Variants in CD200 observed in about 807,000 individuals in gnomAD.
CD200 encodes the protein CD200 molecule.
In CD200, 15 loss-of-function variants were observed where a neutral mutation model predicts 30.9. The observed-to-expected ratio is 0.49, with a 90% confidence interval of 0.32 to 0.75. The LOEUF (loss-of-function observed/expected upper bound fraction) is 0.75. Among genes scored for constraint, CD200 ranks in the 30% least tolerant of loss-of-function variants. The pLI is 0.03. For synonymous variants in CD200, 134 were observed against 126.2 expected (o/e 1.06, Z -0.41); for missense variants, 262 against 324.2 (o/e 0.81, Z 1.47).
At position 112,361,845 on chromosome 3, in the gene CD200, C is replaced by T; in HGVS notation, c.*295C>T. On this transcript the variant is annotated 3_prime_UTR_variant, in exon 6 of 6. Coordinates refer to ENST00000315711, the MANE Select transcript of CD200 (RefSeq NM_005944.7). The stretch of plus-strand genomic sequence containing the variant: ...TAGTTAGTATCAGGAGCACTGAGCT[C>T]ACAGACTGACTTGGGCTCCTACTGG... 2.2e-6 allele frequency: 1 copy of T among 450,596 alleles called. No homozygotes were observed. Among genetic ancestry groups the T allele is most frequent in the Non-Finnish European group, 4.0e-6 (1 of 252,012 alleles). The allele number at this position is 450,596 out of a possible 1,614,324, so 27.9% of individuals were successfully genotyped here.
At chr3:112,358,171 G>A (rs2081664530) in intron 5 of CD200, among the ~76,000 whole-genome samples, 1 of 152,180 alleles carries the variant, frequency 6.6e-6, no homozygotes, top group Non-Finnish European at 1.5e-5. Flanking sequence ...ACGTGTTTGG[G>A]ATGTGGGGGG....
At chr3:112,358,706 G>A (rs2081677004) in intron 5 of CD200, among the ~76,000 whole-genome samples, 1 of 152,138 alleles carries the variant, frequency 6.6e-6, no homozygotes, top group Non-Finnish European at 1.5e-5. Flanking sequence ...GCTGCCCTAG[G>A]TTCCCCATCA....
At chr3:112,349,908 G>C in intron 5 of CD200, 89 bp downstream of exon 5, 5 of 1,412,390 alleles carry the variant, frequency 3.5e-6, no homozygotes, top group Non-Finnish European at 3.7e-6. Flanking sequence ...TATAAATAAG[G>C]GAATGGCAAC....
rs542487224 is a variant in CD200 at position 112,347,965 on chromosome 3, CA to C, written c.694+139del. 1.3e-4 allele frequency: 100 copies of C among 751,540 alleles called. No individual in the cohort carries two copies. The East Asian group carries it at 2.2e-3, about 16-fold the overall frequency. The allele number at this position is 751,540 out of a possible 1,614,324, so 46.6% of individuals were successfully genotyped here. A position where few individuals can be genotyped will look rare whatever the true frequency, so the allele number is the denominator to read the frequency against. On this transcript the variant is annotated intron_variant, in intron 4 of 5. Transcript: ENST00000315711. ...AAGAATGGGGCAAATAAGGAAAAAA[CA>C]AAACAAAACAAAAAAATTGAAGAAA...
At chr3:112,357,271 A>AAAAAAG (rs1553720695) in intron 5 of CD200, among the ~76,000 whole-genome samples, 3 of 139,794 alleles carry the variant, frequency 2.1e-5, no homozygotes, top group East Asian at 2.1e-4. Context: ...AAAAAAAAAA[A>AAAAAAG]AAAGAAAGAA....
intron 1 of CD200, 30 bp downstream of exon 1, chr3:112,333,254 G>A (rs1364329904): frequency 5.2e-6 from 8 of 1,547,480 alleles, no homozygotes; most frequent in Admixed American, 3.9e-5. Context: ...GGGAAGGAGG[G>A]CGCAGGGCAG....
At chr3:112,354,160 A>G (rs912906727) in intron 5 of CD200, among the ~76,000 whole-genome samples, 5 of 152,142 alleles carry the variant, frequency 3.3e-5, no homozygotes. Context: ...ATGGGCATAG[A>G]TGACCCAAAT....
rs143005072 is a variant in CD200 at position 112,355,874 on chromosome 3, T to A, written c.803-5669T>A. On this transcript the variant is annotated intron_variant, in intron 5 of 5. Coordinates refer to ENST00000315711, the MANE Select transcript of CD200 (RefSeq NM_005944.7). ...AAATGTTAGAAATATCAGAAAAAAA[T>A]TAAGAAATAAAAGTATGTTCAGTAC... Among the ~76,000 whole-genome samples, 111 of 150,178 alleles carry A rather than the reference T, an allele frequency of 7.4e-4. No individual in the cohort carries two copies. The East Asian group carries it at 0.018, about 25-fold the overall frequency.
rs1263364034 is a variant in CD200, at chr3:112,336,021, A to AT, written c.12+2801dup. 4 of 1,591,780 alleles carry AT rather than the reference A, an allele frequency of 2.5e-6. No individual in the cohort carries two copies. In the African/African-American group the frequency reaches 5.4e-5, roughly 21 times the overall value. Reference sequence around the variant, plus strand: ...GACCACCATCAATGATTACCAGGTAATTTTCTACCCCTACCTATGAAGGGA... The same window carrying AT: ...GACCACCATCAATGATTACCAGGTAATTTTTCTACCCCTACCTATGAAGGGA... On this transcript the variant is annotated intron_variant, in intron 1 of 5. Transcript: ENST00000315711.
chr3:112,348,528 A>G (rs2081456337), intron 4 of CD200, among the ~76,000 whole-genome samples: 1 of 152,218 alleles, frequency 6.6e-6, no homozygotes, highest in African/African-American at 2.4e-5. Flanking sequence ...AAGGGAGCAG[A>G]GATTATAAAG....
At chr3:112,350,639 T>A (rs1458465723) in intron 5 of CD200, among the ~76,000 whole-genome samples, 1 of 152,194 alleles carries the variant, frequency 6.6e-6, no homozygotes, top group African/African-American at 2.4e-5. Context: ...TTATGTTTTG[T>A]GTAATGGAAA....
Position 112,357,137 on chromosome 3 carries a change from T to A in CD200, c.803-4406T>A, listed in dbSNP as rs572237251. Among the ~76,000 whole-genome samples the A allele has an allele frequency of 3.5e-4, 53 of 151,524 alleles. 1 individual carries two copies. The South Asian group carries it at 0.011, about 31-fold the overall frequency. On this transcript the variant is annotated intron_variant, in intron 5 of 5. Coordinates refer to ENST00000315711, the MANE Select transcript of CD200 (RefSeq NM_005944.7). ...TTAGCCGGGCGTGATGGTGGGCGCC[T>A]GTAGTCCCAGCTACTCGGGAGGCTG... is the stretch of plus-strand genomic sequence containing the variant.
At chr3:112,360,473 T>C (rs1040940678) in intron 5 of CD200, among the ~76,000 whole-genome samples, 2 of 152,168 alleles carry the variant, frequency 1.3e-5, no homozygotes, top group Non-Finnish European at 2.9e-5. Flanking sequence ...CACTCTATGA[T>C]AAGAATTTGA....
At chr3:112,333,130 G>A, upstream of CD200, 2 of 1,538,456 alleles carry the variant, frequency 1.3e-6, no homozygotes, top group Non-Finnish European at 1.7e-6. Flanking sequence ...CAGGGGCACA[G>A]GTGACGCTCC....
At position 112,347,630 on chromosome 3, in the gene CD200, G is replaced by A. The variant is rs759307241; in HGVS notation, c.494G>A (p.Arg165His). The part of the protein sequence containing the change: ...HLNITCSATA[R>H]PAPMVFWKVP... ...AATATCACTTGCTCTGCCACTGCCC[G>A]CCCAGCCCCCATGGTCTTCTGGAAG... The change falls in exon 4 of 6, where the codon CGC becomes CAC. Residue 165 changes from arginine (R) to histidine (H), a missense_variant. Transcript: ENST00000315711. 34 of 1,613,738 alleles carry A rather than the reference G, an allele frequency of 2.1e-5. No homozygotes were observed. The highest frequency in any genetic ancestry group is 2.5e-5 in the Non-Finnish European group (29 of 1,179,898).
intron 1 of CD200, 88 bp downstream of exon 1, chr3:112,333,312 G>A (rs1293828955): frequency 1.3e-6 from 2 of 1,498,146 alleles, no homozygotes; most frequent in Non-Finnish European, 1.8e-6. Flanking sequence ...TGGAAGGCGC[G>A]GAGCTTCGGC....
chr3:112,347,902 C>T, intron 4 of CD200, 72 bp downstream of exon 4: 2 of 1,331,018 alleles, frequency 1.5e-6, no homozygotes, highest in Non-Finnish European at 2.1e-6. Flanking sequence ...GAATGTCCTG[C>T]AGAGGTTTTC....
intron 1 of CD200, chr3:112,333,642 G>A: frequency 1.0e-6 from 1 of 985,364 alleles, no homozygotes; most frequent in Non-Finnish European, 1.2e-6. Context: ...ATGCTGTATT[G>A]GTTCCATATT....
chr3:112,360,781 T>C (rs2081725370), intron 5 of CD200, among the ~76,000 whole-genome samples: 1 of 152,206 alleles, frequency 6.6e-6, no homozygotes, highest in African/African-American at 2.4e-5. Flanking sequence ...TTGAGAGGTT[T>C]CCAGGCTCCC....
Sources: gnomAD v4.1 joint callset for allele counts (sites outside exome capture counted in the v4.1 genomes callset) on GRCh38, gnomAD v4.1.1 for gene constraint, MANE v1.5 for transcripts, NCBI Gene and HGNC (gene_info 2026-07-23, HGNC 2026-07-21) for gene names.